SCPPPQ1: variants seen among roughly 807,000 people sequenced by gnomAD.
The protein encoded by SCPPPQ1 is secretory calcium-binding phosphoprotein proline-glutamine rich 1.
chr4:87,464,080 GC>G, the SCPPPQ1 span, among the ~76,000 whole-genome samples: 3 of 152,118 alleles, frequency 2.0e-5, no homozygotes, highest in Non-Finnish European at 4.4e-5. Flanking sequence ...CTGTTAGGGT[GC>G]CTTTCTCTGC....
chr4:87,464,014 CTG>C, the SCPPPQ1 span, among the ~76,000 whole-genome samples: 1,231 of 152,322 alleles, frequency 8.1e-3, 19 homozygotes, highest in African/African-American at 0.028. Flanking sequence ...AAGCTAAACA[CTG>C]TCCCAACTGT....
the SCPPPQ1 span, chr4:87,462,192 A>G: frequency 6.6e-6 from 1 of 152,208 alleles, no homozygotes; most frequent in African/African-American, 2.4e-5. Context: ...TTGAATCCTT[A>G]ACTGTTTACA....
chr4:87,470,261 C>T, the SCPPPQ1 span, among the ~76,000 whole-genome samples: 3 of 152,126 alleles, frequency 2.0e-5, no homozygotes, highest in Non-Finnish European at 4.4e-5. Context: ...CCACTGTGCT[C>T]AATTCTACTC....
chr4:87,466,189 C>T, the SCPPPQ1 span, among the ~76,000 whole-genome samples: 3 of 151,896 alleles, frequency 2.0e-5, no homozygotes, highest in Non-Finnish European at 1.5e-5. Flanking sequence ...GGAGTGAGTT[C>T]GCCCAGCCCA....
chr4:87,469,266 A>G, the SCPPPQ1 span, among the ~76,000 whole-genome samples: 17 of 152,292 alleles, frequency 1.1e-4, no homozygotes, highest in East Asian at 1.9e-3. Flanking sequence ...AGAACATCCT[A>G]TCTTTCAAAT....
chr4:87,464,520 A>G, the SCPPPQ1 span, among the ~76,000 whole-genome samples: 11 of 152,122 alleles, frequency 7.2e-5, no homozygotes, highest in African/African-American at 2.7e-4. Context: ...CTGAAAGAAA[A>G]CTTTAATAAT....
the SCPPPQ1 span, among the ~76,000 whole-genome samples, chr4:87,470,767 A>G: frequency 1.3e-5 from 2 of 152,180 alleles, no homozygotes; most frequent in Non-Finnish European, 1.5e-5. Context: ...TGTTATATAT[A>G]TCTAAAACCC....
At chr4:87,463,694 G>A in the SCPPPQ1 span, among the ~76,000 whole-genome samples, 1 of 152,018 alleles carries the variant, frequency 6.6e-6, no homozygotes, top group Admixed American at 6.6e-5. Flanking sequence ...TACCATATTT[G>A]AAAGTTAGAA....
chr4:87,469,180 A>G, the SCPPPQ1 span, among the ~76,000 whole-genome samples: 2 of 152,218 alleles, frequency 1.3e-5, no homozygotes, highest in Non-Finnish European at 2.9e-5. Flanking sequence ...GGCATTACAA[A>G]TGAAACTCAA....
the SCPPPQ1 span, among the ~76,000 whole-genome samples, chr4:87,463,863 A>G: frequency 6.6e-6 from 1 of 152,216 alleles, no homozygotes; most frequent in Admixed American, 6.5e-5. Context: ...AAGCAGTTTT[A>G]CTGGAAAATT....
chr4:87,465,312 A>G, the SCPPPQ1 span, among the ~76,000 whole-genome samples: 21 of 152,280 alleles, frequency 1.4e-4, no homozygotes, highest in Non-Finnish European at 2.4e-4. Flanking sequence ...TTCAGGTCTT[A>G]GGTAATTCAG....
the SCPPPQ1 span, among the ~76,000 whole-genome samples, chr4:87,469,737 A>G: frequency 1.3e-5 from 2 of 152,108 alleles, no homozygotes; most frequent in African/African-American, 4.8e-5. Flanking sequence ...AGGTGTTGAA[A>G]TAGTGGTCAA....
At chr4:87,470,628 C>T in the SCPPPQ1 span, among the ~76,000 whole-genome samples, 1 of 151,920 alleles carries the variant, frequency 6.6e-6, no homozygotes, top group South Asian at 2.1e-4. Context: ...ATTAACTTAC[C>T]TTGTGAGTTT....
chr4:87,464,364 AC>A, the SCPPPQ1 span, among the ~76,000 whole-genome samples: 89,147 of 149,806 alleles, frequency 0.6, 26,567 homozygotes, highest in East Asian at 0.63. Flanking sequence ...TATTTTAAGT[AC>A]CCCCCCCCAA....
chr4:87,467,115 G>C, the SCPPPQ1 span, among the ~76,000 whole-genome samples: 3 of 152,090 alleles, frequency 2.0e-5, no homozygotes, highest in African/African-American at 7.2e-5. Flanking sequence ...CTTCTCTGAA[G>C]TCTTTGATCC....
chr4:87,463,820 T>C, the SCPPPQ1 span, among the ~76,000 whole-genome samples: 2 of 152,236 alleles, frequency 1.3e-5, no homozygotes, highest in Admixed American at 1.3e-4. Flanking sequence ...TTAGGACAAC[T>C]ATGAATACTT....
the SCPPPQ1 span, among the ~76,000 whole-genome samples, chr4:87,464,193 G>T: frequency 6.6e-6 from 1 of 152,110 alleles, no homozygotes; most frequent in African/African-American, 2.4e-5. Flanking sequence ...AAGATCATTA[G>T]GTGTGAGGAC....
chr4:87,468,746 T>G, the SCPPPQ1 span, among the ~76,000 whole-genome samples: 47 of 152,234 alleles, frequency 3.1e-4, no homozygotes, highest in Non-Finnish European at 6.3e-4. Context: ...TCAGAGCTGC[T>G]GAAATATCAA....
the SCPPPQ1 span, among the ~76,000 whole-genome samples, chr4:87,468,710 T>C: frequency 6.6e-6 from 1 of 152,210 alleles, no homozygotes; most frequent in Non-Finnish European, 1.5e-5. Context: ...CTTTATCAAA[T>C]TGTGTTTTTA....
Sources: gnomAD v4.1 joint callset for allele counts (sites outside exome capture counted in the v4.1 genomes callset) on GRCh38, gnomAD v4.1.1 for gene constraint, MANE v1.5 for transcripts, NCBI Gene and HGNC (gene_info 2026-07-23, HGNC 2026-07-21) for gene names.